The following ESCO2 variants were observed in gnomAD, a reference collection of about 807,000 sequenced individuals.
ESCO2 encodes establishment of sister chromatid cohesion N-acetyltransferase 2, also known as N-acetyltransferase ESCO2.
A neutral mutation model predicts 61.7 loss-of-function variants in ESCO2; 51 were observed. The ratio of observed to expected loss-of-function variants is 0.83; its 90% CI spans 0.66 to 1.04. ESCO2 has a LOEUF of 1.04. Ranked by LOEUF, ESCO2 falls within the 50% of genes least tolerant of loss-of-function variation. The pLI, the probability that ESCO2 is intolerant of heterozygous loss-of-function variation, is 0.00. For missense variants in ESCO2, 692 were observed against 686.2 expected (o/e 1.01, Z -0.09); for synonymous variants, 230 against 238.2 (o/e 0.97, Z 0.32).
chr8:27,792,804 T>G lies in ESCO2; in HGVS notation c.1490T>G (p.Ile497Ser). ...GTTGGGTGTTTAATTGCAGAACCCA[T>G]CAAACAGGTATGGTATATTTGTTTT... ...RVVGCLIAEP[I>S]KQAFRVLSEP... Residue 497 changes from isoleucine (I) to serine (S), a missense_variant, in exon 9 of 11, where the codon ATC (isoleucine) becomes AGC (serine). Coordinates refer to ENST00000305188, the MANE Select transcript of ESCO2 (RefSeq NM_001017420.3). The G allele has an allele frequency of 6.2e-7, 1 of 1,602,064 alleles. No homozygotes were observed. The highest frequency in any genetic ancestry group is 2.2e-5 in the East Asian group (1 of 44,650).
chr8:27,788,852 TGGTCAGAAA>T lies in ESCO2; in HGVS notation c.1138_1146del (p.Gly380_Lys382del). 6.2e-7 allele frequency: 1 copy of T among 1,614,134 alleles called. No homozygotes were observed. The highest frequency in any genetic ancestry group is 8.5e-7 in the Non-Finnish European group (1 of 1,180,000). On this transcript the variant is annotated inframe_deletion, in exon 7 of 11. Coordinates refer to ENST00000305188, the MANE Select transcript of ESCO2 (RefSeq NM_001017420.3). ...TTTTTACCCCCCAATTATAGGACGC[TGGTCAGAAA>T]CATTTTGGGGCTACTGTGTGCAAGT...
In ESCO2 at chr8:27,781,354, C is replaced by T. The variant is rs141735919; in HGVS notation, c.955+1087C>T. ...AAAGTTAAAGTTTGTTTTTTTAGCC[C>T]ACTCTCAGCTTACTATTTTCCTCAA... On this transcript the variant is annotated intron_variant, in intron 4 of 10. Coordinates refer to ENST00000305188, the MANE Select transcript of ESCO2 (RefSeq NM_001017420.3). 7.9e-3 allele frequency among the ~76,000 whole-genome samples: 1,200 copies of T among 152,200 alleles called. 13 individuals are homozygous for T. The highest frequency in any genetic ancestry group is 0.027 in the African/African-American group (1,135 of 41,508).
chr8:27,803,552 A>ACACACACG lies in ESCO2; in HGVS notation c.*121_*122insGCACACAC, dbSNP rs1805499560. 1 of 1,460,820 alleles carries ACACACACG rather than the reference A, an allele frequency of 6.8e-7. No homozygotes were observed. The highest frequency in any genetic ancestry group is 1.4e-5 in the African/African-American group (1 of 69,592). 90.5% of individuals were successfully genotyped at this position (1,460,820 alleles called of 1,614,324 possible). ...AAAATACCGAGACTCACACTCATAC[A>ACACACACG]CACACACACACACACGCACACACAC... On this transcript the variant is annotated 3_prime_UTR_variant, in exon 11 of 11. Coordinates refer to ENST00000305188, the MANE Select transcript of ESCO2 (RefSeq NM_001017420.3).
chr8:27,814,049 T>C (rs1314407071), downstream of ESCO2, among the ~76,000 whole-genome samples: 1 of 152,182 alleles, frequency 6.6e-6, no homozygotes, highest in Admixed American at 6.6e-5. Flanking sequence ...CAGGTTTTCA[T>C]ATTAGAGTTA....
At chr8:27,779,917 G>A (rs953125939) in intron 3 of ESCO2, 6 of 383,012 alleles carry the variant, frequency 1.6e-5, no homozygotes, top group Admixed American at 3.9e-5. Context: ...TACCCACCTC[G>A]GCCTCCCAAA....
At chr8:27,772,653 T>G, upstream of ESCO2, 12 of 1,004,746 alleles carry the variant, frequency 1.2e-5, no homozygotes, top group Non-Finnish European at 1.8e-5. Flanking sequence ...TCCGTGCACT[T>G]CCGGCGGACG....
chr8:27,797,335 T>C (rs2128957123), intron 9 of ESCO2, among the ~76,000 whole-genome samples: 1 of 152,308 alleles, frequency 6.6e-6, no homozygotes, highest in South Asian at 2.1e-4. Flanking sequence ...AATTACCTTC[T>C]TTGTCTCTTG....
downstream of ESCO2, among the ~76,000 whole-genome samples, chr8:27,816,728 A>T (rs978649983): frequency 7.9e-5 from 12 of 152,190 alleles, no homozygotes; most frequent in Non-Finnish European, 1.6e-4. Flanking sequence ...TTTAAAAAAA[A>T]TTTTAAGATT....
intron 4 of ESCO2, 30 bp from the exon 5 acceptor site, chr8:27,783,970 T>C (rs1243464593): frequency 1.3e-6 from 2 of 1,566,880 alleles, no homozygotes; most frequent in African/African-American, 1.4e-5. Context: ...TATTTGGTAA[T>C]ACACATTATC....
intron 9 of ESCO2, among the ~76,000 whole-genome samples, chr8:27,795,907 G>C (rs2128956815): frequency 6.6e-6 from 1 of 152,228 alleles, no homozygotes; most frequent in Middle Eastern, 3.4e-3. Context: ...ATATTGGCTG[G>C]TAACTTCTCT....
downstream of ESCO2, among the ~76,000 whole-genome samples, chr8:27,813,947 G>A (rs962147716): frequency 6.6e-6 from 1 of 151,694 alleles, no homozygotes; most frequent in Non-Finnish European, 1.5e-5. Flanking sequence ...TACATAGCAG[G>A]TGTACATGTT....
Position 27,803,577 on chromosome 8 carries a change from CAT to C in ESCO2, c.*142_*143del. ...ACACACACACACACACGCACACACACATATCACAGTTTTGTTCCTTATGAGTT... is the reference window on the plus strand; with the variant it reads ...ACACACACACACACACGCACACACACATCACAGTTTTGTTCCTTATGAGTT... On this transcript the variant is annotated 3_prime_UTR_variant, in exon 11 of 11. Coordinates refer to ENST00000305188, the MANE Select transcript of ESCO2 (RefSeq NM_001017420.3). 3 of 1,447,630 alleles carry C rather than the reference CAT, an allele frequency of 2.1e-6. No individual in the cohort carries two copies. Among genetic ancestry groups the C allele is most frequent in the African/African-American group, 2.9e-5 (2 of 69,468 alleles). 89.7% of individuals were successfully genotyped at this position (1,447,630 alleles called of 1,614,324 possible).
At chr8:27,780,063 A>G in intron 3 of ESCO2, 111 bp from the exon 4 acceptor site, 1 of 722,746 alleles carries the variant, frequency 1.4e-6, no homozygotes, top group Non-Finnish European at 2.4e-6. Flanking sequence ...ATGAAATGTA[A>G]TTCATAATAA....
chr8:27,804,223 G>T lies in ESCO2; in HGVS notation c.*785G>T. Reference sequence around the variant, plus strand: ...TCTTTTTGAAAATAAATGTTTACCTGTCATCAGATTTAATTAAAATTATAC... The same window carrying T: ...TCTTTTTGAAAATAAATGTTTACCTTTCATCAGATTTAATTAAAATTATAC... On this transcript the variant is annotated 3_prime_UTR_variant, in exon 11 of 11. Transcript: ENST00000305188. The T allele has an allele frequency of 1.0e-6, 1 of 985,014 alleles. No individual in the cohort carries two copies. The highest frequency in any genetic ancestry group is 1.2e-6 in the Non-Finnish European group (1 of 829,600). 61.0% of individuals were successfully genotyped at this position (985,014 alleles called of 1,614,324 possible).
At chr8:27,802,116 G>C (rs1268528086) in intron 10 of ESCO2, among the ~76,000 whole-genome samples, 1 of 145,790 alleles carries the variant, frequency 6.9e-6, no homozygotes, top group Non-Finnish European at 1.5e-5. Flanking sequence ...TTATTTTATA[G>C]AATATCCCTC....
chr8:27,811,902 AATAG>A (rs1008229316), downstream of ESCO2: 4 of 152,170 alleles, frequency 2.6e-5, no homozygotes, highest in African/African-American at 9.7e-5. Flanking sequence ...GGTACTTGTA[AATAG>A]ATTTTAAACA....
intron 10 of ESCO2, among the ~76,000 whole-genome samples, chr8:27,800,612 T>A (rs1214317572): frequency 1.3e-5 from 2 of 152,174 alleles, no homozygotes; most frequent in Non-Finnish European, 1.5e-5. Context: ...CCTAGGTATA[T>A]ACTCAAGAAA....
At chr8:27,812,911 G>A (rs530622585), downstream of ESCO2, among the ~76,000 whole-genome samples, 46 of 152,306 alleles carry the variant, frequency 3.0e-4, no homozygotes, top group South Asian at 2.1e-3. Context: ...AGACAGTGTG[G>A]CAATCCCTCA....
chr8:27,798,556 A>G (rs1365185113), intron 9 of ESCO2, among the ~76,000 whole-genome samples: 2 of 152,228 alleles, frequency 1.3e-5, no homozygotes, highest in Non-Finnish European at 1.5e-5. Context: ...ATGTACACAC[A>G]AAAACCTGTA....
Sources: allele counts gnomAD v4.1 joint callset (sites outside exome capture counted in the v4.1 genomes callset), GRCh38; gene constraint gnomAD v4.1.1; transcripts MANE v1.5; gene names NCBI Gene and HGNC (gene_info 2026-07-23, HGNC 2026-07-21).